The following FGD3 variants were observed in gnomAD, a reference collection of about 807,000 sequenced individuals.
FGD3 encodes the protein FYVE, RhoGEF and PH domain containing 3, also known as FYVE, RhoGEF and PH domain-containing protein 3.
Under a neutral mutation model 71.8 loss-of-function variants are expected in FGD3, and 45 were observed. The ratio of observed to expected loss-of-function variants is 0.63; its 90% CI spans 0.49 to 0.80. The LOEUF (loss-of-function observed/expected upper bound fraction) is 0.80, where lower values mean the gene tolerates loss of function less well. Among genes scored for constraint, FGD3 ranks in the 30% least tolerant of loss-of-function variants. The probability of loss-of-function intolerance (pLI) is 0.00; values close to 1 mark genes in which losing one functional copy is unlikely to be tolerated. For missense variants in FGD3, 844 were observed against 951.5 expected, an observed-to-expected ratio of 0.89 and a Z score of 1.49; for synonymous variants, 378 against 392.8, an observed-to-expected ratio of 0.96 and a Z score of 0.44.
chr9:93,010,420 G>A (rs375424624), intron 7 of FGD3, 36 bp downstream of exon 7: 18 of 1,576,510 alleles, frequency 1.1e-5, no homozygotes, highest in Non-Finnish European at 1.5e-5. Context: ...GAGGGTGCAG[G>A]GGCACCTGCC....
At chr9:92,992,728 C>G (rs1182774523) in intron 3 of FGD3, among the ~76,000 whole-genome samples, 1 of 152,114 alleles carries the variant, frequency 6.6e-6, no homozygotes, top group East Asian at 1.9e-4. Context: ...GGAGGTTGCT[C>G]TGGTCTCAGG....
intron 1 of FGD3, among the ~76,000 whole-genome samples, chr9:92,954,991 A>T (rs759882494): frequency 1.3e-5 from 2 of 152,180 alleles, no homozygotes; most frequent in Non-Finnish European, 2.9e-5. Flanking sequence ...TATGGTGTCT[A>T]TGTGTCCGAG....
chr9:93,032,726 C>T, intron 15 of FGD3, 43 bp from the exon 16 acceptor site: 1 of 1,586,780 alleles, frequency 6.3e-7, no homozygotes. Flanking sequence ...GGATAATCCT[C>T]TGTCCCAGGG....
At chr9:92,964,026 G>C (rs778805374) in intron 1 of FGD3, 4 of 152,394 alleles carry the variant, frequency 2.6e-5, no homozygotes, top group Non-Finnish European at 4.4e-5. Context: ...AGTCCACCCA[G>C]CAGAAGCAGG....
intron 3 of FGD3, among the ~76,000 whole-genome samples, chr9:92,979,652 T>A (rs567836194): frequency 1.5e-4 from 23 of 152,336 alleles, no homozygotes; most frequent in African/African-American, 5.1e-4. Flanking sequence ...CCTCTTCAAT[T>A]GTTTTGGAAG....
intron 7 of FGD3, among the ~76,000 whole-genome samples, chr9:93,010,844 G>A (rs535360768): frequency 6.6e-6 from 1 of 152,226 alleles, no homozygotes; most frequent in East Asian, 1.9e-4. Context: ...CATTGGTCTG[G>A]GGAAGGTGCT....
chr9:92,963,231 C>T (rs759138906), intron 1 of FGD3, among the ~76,000 whole-genome samples: 4 of 152,200 alleles, frequency 2.6e-5, no homozygotes, highest in African/African-American at 4.8e-5. Flanking sequence ...AGTAACCATT[C>T]ACAGGGCACC....
At chr9:93,015,110 G>A (rs564191315) in intron 9 of FGD3, among the ~76,000 whole-genome samples, 18 of 152,182 alleles carry the variant, frequency 1.2e-4, no homozygotes, top group Non-Finnish European at 2.1e-4. Context: ...AGCTCACCAT[G>A]TGGGTTTGAG....
At chr9:93,008,369 TAACCC>T in intron 6 of FGD3, among the ~76,000 whole-genome samples, 2 of 152,348 alleles carry the variant, frequency 1.3e-5, no homozygotes, top group African/African-American at 4.8e-5. Context: ...TTCTGATCCA[TAACCC>T]AACCCAGGGC....
chr9:93,032,491 G>T, intron 15 of FGD3: 1 of 386,604 alleles, frequency 2.6e-6, no homozygotes. Context: ...TGTGCTTGGT[G>T]GCTCTTCACA....
chr9:93,029,016 T>G (rs1318012136), intron 14 of FGD3, among the ~76,000 whole-genome samples: 22 of 128,044 alleles, frequency 1.7e-4, no homozygotes, highest in South Asian at 2.9e-4. Flanking sequence ...TTTTTTTTTT[T>G]TTTTTTTTTT....
intron 3 of FGD3, among the ~76,000 whole-genome samples, chr9:93,002,554 T>C (rs1015912320): frequency 6.6e-6 from 1 of 152,176 alleles, no homozygotes; most frequent in South Asian, 2.1e-4. Context: ...GGCTTTATAA[T>C]GGCTTGGGTG....
intron 1 of FGD3, among the ~76,000 whole-genome samples, chr9:92,973,334 C>T (rs1409360210): frequency 6.6e-6 from 1 of 151,972 alleles, no homozygotes; most frequent in Non-Finnish European, 1.5e-5. Context: ...AGGCTGGTCT[C>T]GAACTCCTGC....
chr9:92,952,746 C>T (rs1488703186), intron 1 of FGD3, among the ~76,000 whole-genome samples: 1 of 151,806 alleles, frequency 6.6e-6, no homozygotes, highest in Admixed American at 6.6e-5. Context: ...TCTTTCCTTC[C>T]CTTTTTTCCT....
At chr9:93,029,599 AG>A (rs1242529997) in intron 14 of FGD3, among the ~76,000 whole-genome samples, 1 of 152,258 alleles carries the variant, frequency 6.6e-6, no homozygotes, top group African/African-American at 2.4e-5. Flanking sequence ...CAGATGCACC[AG>A]ATAAAGTCAT....
At chr9:93,015,464 TA>T (rs1042165836) in intron 9 of FGD3, among the ~76,000 whole-genome samples, 14 of 151,632 alleles carry the variant, frequency 9.2e-5, no homozygotes, top group African/African-American at 3.1e-4. Flanking sequence ...CTCAAAAAAA[TA>T]AAAAAAGGTT....
chr9:92,980,058 C>T (rs1423170013), intron 3 of FGD3, among the ~76,000 whole-genome samples: 1 of 149,314 alleles, frequency 6.7e-6, no homozygotes, highest in African/African-American at 2.5e-5. Context: ...TGGAGTCTCA[C>T]TCACTCTGTT....
chr9:92,990,210 G>A (rs1302975494), intron 3 of FGD3, among the ~76,000 whole-genome samples: 4 of 152,042 alleles, frequency 2.6e-5, no homozygotes, highest in African/African-American at 9.7e-5. Flanking sequence ...GGCTGAGGTG[G>A]GAGGACTGCT....
intron 3 of FGD3, among the ~76,000 whole-genome samples, chr9:92,996,219 G>A (rs966016161): frequency 6.6e-6 from 1 of 152,142 alleles, no homozygotes; most frequent in African/African-American, 2.4e-5. Context: ...GGTGTTATGT[G>A]TCCAGGAATT....
Sources: allele counts gnomAD v4.1 joint callset (sites outside exome capture counted in the v4.1 genomes callset), GRCh38; gene constraint gnomAD v4.1.1; transcripts MANE v1.5; gene names NCBI Gene and HGNC (gene_info 2026-07-23, HGNC 2026-07-21).